The following GPATCH2 variants were observed in gnomAD, a reference collection of about 807,000 sequenced individuals.
The protein encoded by GPATCH2 is G-patch domain containing 2.
In GPATCH2, 51 loss-of-function variants were observed where a neutral mutation model predicts 58.0. The observed-to-expected ratio is 0.88, with a 90% CI of 0.70 to 1.11. The LOEUF is 1.11. GPATCH2 is among the 50% of genes most tolerant of loss of function. GPATCH2 has a pLI of 0.00. For missense variants in GPATCH2, 625 were observed against 652.2 expected, an observed-to-expected ratio of 0.96 and a Z score of 0.45; for synonymous variants, 222 against 218.5, an observed-to-expected ratio of 1.02 and a Z score of -0.14.
chr1:217,498,475 T>A, intron 6 of GPATCH2, 80 bp from the exon 7 acceptor site: 2 of 1,047,952 alleles, frequency 1.9e-6, no homozygotes, highest in Non-Finnish European at 3.0e-6. Context: ...GCATGTGCTT[T>A]AAGAAATTTG....
Position 217,430,115 on chromosome 1 carries a change from G to T in GPATCH2, c.*1030C>A, listed in dbSNP as rs1409158580. On this transcript the variant is annotated 3_prime_UTR_variant, in exon 10 of 10. Coordinates refer to ENST00000366935, the MANE Select transcript of GPATCH2 (RefSeq NM_018040.5). ...GTAATACAAACGACCTCTTTTGCTA[G>T]GTTTTAAAGTAACATCTTGGGTCCT... 6.6e-6 allele frequency: 1 copy of T among 152,056 alleles called. No homozygotes were observed. The highest frequency in any genetic ancestry group is 1.5e-5 in the Non-Finnish European group (1 of 68,010). The allele number at this position is 152,056 out of a possible 1,614,324, so 9.4% of individuals were successfully genotyped here. A position where few individuals can be genotyped will look rare whatever the true frequency, so the allele number is the denominator to read the frequency against.
chr1:217,551,760 A>T (rs1665373619), intron 5 of GPATCH2, among the ~76,000 whole-genome samples: 1 of 152,172 alleles, frequency 6.6e-6, no homozygotes, highest in Non-Finnish European at 1.5e-5. Flanking sequence ...ATGCTGCAAC[A>T]GAAGTACTTA....
At chr1:217,564,121 A>G (rs1304470850) in intron 5 of GPATCH2, among the ~76,000 whole-genome samples, 1 of 151,890 alleles carries the variant, frequency 6.6e-6, no homozygotes, top group East Asian at 1.9e-4. Context: ...TGAAGACAGA[A>G]AGGAATGTTG....
intron 8 of GPATCH2, among the ~76,000 whole-genome samples, chr1:217,469,925 T>C (rs1380922710): frequency 6.6e-6 from 1 of 152,218 alleles, no homozygotes; most frequent in Non-Finnish European, 1.5e-5. Context: ...AGTGATTCTC[T>C]TACTAATAAA....
At position 217,596,068 on chromosome 1, in the gene GPATCH2, C is replaced by T. The variant is rs182830174; in HGVS notation, c.1098+14253G>A. Among the ~76,000 whole-genome samples the T allele has an allele frequency of 7.4e-3, 1,124 of 151,986 alleles. 17 individuals carry two copies. Among genetic ancestry groups the T allele is most frequent in the Non-Finnish European group, 8.9e-3 (607 of 67,972 alleles). On this transcript the variant is annotated intron_variant, in intron 5 of 9. Transcript: ENST00000366935. ...AGATACCAAAGAATAGGAGAGAAAA[C>T]ATTAAGTGGGGTGAAGTGGTAGAAG...
chr1:217,525,517 T>C (rs1415181762), intron 5 of GPATCH2, among the ~76,000 whole-genome samples: 1 of 152,192 alleles, frequency 6.6e-6, no homozygotes, highest in East Asian at 1.9e-4. Flanking sequence ...TTTCCCACAA[T>C]TTTACCAAAG....
At chr1:217,442,887 T>C (rs1659211811) in intron 9 of GPATCH2, among the ~76,000 whole-genome samples, 1 of 152,192 alleles carries the variant, frequency 6.6e-6, no homozygotes, top group East Asian at 1.9e-4. Context: ...ATAATGCTAC[T>C]AGCTTTGCTT....
rs909632458 is a variant in GPATCH2, at chr1:217,608,629, T to C, written c.1098+1692A>G. On this transcript the variant is annotated intron_variant, in intron 5 of 9. Coordinates refer to ENST00000366935, the MANE Select transcript of GPATCH2 (RefSeq NM_018040.5). ...AGGTAAAACTGAACCAAGAACTAGATAGCATTCATCTAGATTCATGATTGA... is the reference window on the plus strand; with the variant it reads ...AGGTAAAACTGAACCAAGAACTAGACAGCATTCATCTAGATTCATGATTGA... 40 of 984,902 alleles carry C rather than the reference T, an allele frequency of 4.1e-5. No individual in the cohort carries two copies. In the Admixed American group the frequency reaches 4.9e-4, roughly 12 times the overall value. The allele number at this position is 984,902 out of a possible 1,614,324, so 61.0% of individuals were successfully genotyped here.
chr1:217,523,808 C>CA (rs1663622872), intron 5 of GPATCH2, among the ~76,000 whole-genome samples: 1 of 145,136 alleles, frequency 6.9e-6, no homozygotes, highest in South Asian at 2.2e-4. Context: ...GGGGGCTGAC[C>CA]CCCCCACCTC....
intron 5 of GPATCH2, among the ~76,000 whole-genome samples, chr1:217,577,752 T>A (rs961396556): frequency 6.6e-6 from 1 of 151,836 alleles, no homozygotes; most frequent in Admixed American, 6.6e-5. Flanking sequence ...ATTATTATTA[T>A]TATTGTTAGT....
At position 217,614,006 on chromosome 1, in the gene GPATCH2, C is replaced by T. The variant is rs903638630; in HGVS notation, c.835+135G>A. 6.8e-6 allele frequency: 4 copies of T among 585,138 alleles called. No individual in the cohort carries two copies. The Admixed American group carries it at 1.1e-4, about 17-fold the overall frequency. The allele number at this position is 585,138 out of a possible 1,614,324, so 36.2% of individuals were successfully genotyped here. A position where few individuals can be genotyped will look rare whatever the true frequency, so the allele number is the denominator to read the frequency against. On this transcript the variant is annotated intron_variant, in intron 3 of 9. Transcript: ENST00000366935. The stretch of plus-strand genomic sequence containing the variant: ...AGCATATAAAAAACCAGCTACGATA[C>T]TAAATCCTAGTTCACTAAGTAATAT...
chr1:217,616,417 T>C (rs1668888021), intron 2 of GPATCH2, among the ~76,000 whole-genome samples: 1 of 152,138 alleles, frequency 6.6e-6, no homozygotes, highest in South Asian at 2.1e-4. Context: ...TTCCCAGTGG[T>C]ATGCCTATCT....
At chr1:217,574,493 C>T (rs1343176626) in intron 5 of GPATCH2, among the ~76,000 whole-genome samples, 9 of 151,950 alleles carry the variant, frequency 5.9e-5, no homozygotes, top group Non-Finnish European at 8.8e-5. Context: ...GGTTCAGTTA[C>T]GGGGTGGTTT....
At chr1:217,439,318 A>G (rs1365217092) in intron 9 of GPATCH2, among the ~76,000 whole-genome samples, 2 of 152,248 alleles carry the variant, frequency 1.3e-5, no homozygotes, top group African/African-American at 2.4e-5. Context: ...TTTGAAACCA[A>G]TGAGAACAAA....
chr1:217,575,860 T>C (rs1666780187), intron 5 of GPATCH2, among the ~76,000 whole-genome samples: 1 of 152,190 alleles, frequency 6.6e-6, no homozygotes, highest in Admixed American at 6.5e-5. Flanking sequence ...TAGCCCATTG[T>C]TCCTACTTAC....
Position 217,600,457 on chromosome 1 carries a change from T to A in GPATCH2, c.1098+9864A>T, listed in dbSNP as rs570958129. Among the ~76,000 whole-genome samples, 4 of 152,268 alleles carry A rather than the reference T, an allele frequency of 2.6e-5. No homozygotes were observed. The South Asian group carries it at 8.3e-4, about 32-fold the overall frequency. On this transcript the variant is annotated intron_variant, in intron 5 of 9. Transcript: ENST00000366935. ...TTGCAGGTGACTTCCGTATAGAAAG[T>A]ACTTGTTAAATATTATTTGGAAGTG... is the stretch of plus-strand genomic sequence containing the variant.
chr1:217,431,306 G>A lies in GPATCH2; in HGVS notation c.1426C>T (p.Gln476Ter). The A allele has an allele frequency of 6.2e-7, 1 of 1,609,568 alleles. No individual in the cohort carries two copies. The highest frequency in any genetic ancestry group is 8.5e-7 in the Non-Finnish European group (1 of 1,175,890). Residue 476 changes from glutamine to a stop codon, truncating the protein, a stop_gained, in exon 10 of 10, where the codon CAG (glutamine) becomes TAG (stop). Transcript: ENST00000366935. LOFTEE classifies it high-confidence loss of function. ...LENNIGNRML[Q>*]NMGWTPGSGL... ...GACCCAGGCGTCCAGCCCATATTCT[G>A]AAGCATTCGGTTTCCAATATTATTT...
chr1:217,541,298 G>A (rs1033883395), intron 5 of GPATCH2, among the ~76,000 whole-genome samples: 3 of 152,176 alleles, frequency 2.0e-5, no homozygotes, highest in Admixed American at 2.0e-4. Context: ...TCATAAATCT[G>A]ATATCATTGA....
At chr1:217,435,253 CT>C (rs1658764534) in intron 9 of GPATCH2, among the ~76,000 whole-genome samples, 1 of 152,202 alleles carries the variant, frequency 6.6e-6, no homozygotes, top group Non-Finnish European at 1.5e-5. Flanking sequence ...TCCTACTAAC[CT>C]TTCTGCCTGC....
Sources: gnomAD v4.1 joint callset for allele counts (sites outside exome capture counted in the v4.1 genomes callset) on GRCh38, gnomAD v4.1.1 for gene constraint, MANE v1.5 for transcripts, NCBI Gene and HGNC (gene_info 2026-07-23, HGNC 2026-07-21) for gene names.